The following EVA1C variants were observed in gnomAD, a reference collection of about 807,000 sequenced individuals.
EVA1C encodes the protein eva-1 homolog C.
EVA1C carries 25 observed loss-of-function variants against 45.4 expected under a neutral mutation model. The observed-to-expected ratio is 0.55, with a 90% CI of 0.40 to 0.77. EVA1C has a LOEUF of 0.77. Ranked by LOEUF, EVA1C falls within the 30% of genes least tolerant of loss-of-function variation. The pLI, the probability that EVA1C is intolerant of heterozygous loss-of-function variation, is 0.00. For synonymous variants in EVA1C, 190 were observed against 221.2 expected (o/e 0.86, Z 1.25); for missense variants, 479 against 554.8 (o/e 0.86, Z 1.37).
intron 7 of EVA1C, among the ~76,000 whole-genome samples, chr21:32,504,928 C>T (rs1023731812): frequency 1.3e-5 from 2 of 151,818 alleles, no homozygotes; most frequent in African/African-American, 2.4e-5. Context: ...CTAACAATCT[C>T]GGTGGAAGGT....
rs549814025 is a variant in EVA1C, at chr21:32,422,661, T to C, written c.160+9648T>C. Among the ~76,000 whole-genome samples, 140 of 152,212 alleles carry C rather than the reference T, an allele frequency of 9.2e-4. 1 individual carries two copies. Among genetic ancestry groups the C allele is most frequent in the African/African-American group, 3.2e-3 (134 of 41,542 alleles). On this transcript the variant is annotated intron_variant, in intron 1 of 7. Coordinates refer to ENST00000300255, the MANE Select transcript of EVA1C (RefSeq NM_058187.5). ...AGACAGCGAAATAATATTTTCCAGGTTCTGAGAAACAAACAAACAAAAAAC... is the reference window on the plus strand; with the variant it reads ...AGACAGCGAAATAATATTTTCCAGGCTCTGAGAAACAAACAAACAAAAAAC...
intron 1 of EVA1C, among the ~76,000 whole-genome samples, chr21:32,427,949 G>A (rs1320006341): frequency 1.3e-5 from 2 of 151,764 alleles, no homozygotes; most frequent in African/African-American, 4.8e-5. Context: ...CTTAAACAGT[G>A]GACAGTGACT....
chr21:32,415,150 G>A (rs1439670782), intron 1 of EVA1C, among the ~76,000 whole-genome samples: 1 of 152,066 alleles, frequency 6.6e-6, no homozygotes, highest in East Asian at 1.9e-4. Flanking sequence ...TGTGTTCCTG[G>A]GACAGTCGGT....
At chr21:32,467,957 C>T in intron 4 of EVA1C, 109 bp downstream of exon 4, 1 of 694,964 alleles carries the variant, frequency 1.4e-6, no homozygotes, top group Non-Finnish European at 2.0e-6. Context: ...AAAGTCAATA[C>T]TTAACACAAT....
intron 7 of EVA1C, among the ~76,000 whole-genome samples, chr21:32,511,044 C>T (rs118108490): frequency 9.5e-6 from 1 of 104,832 alleles, no homozygotes; most frequent in East Asian, 2.6e-4. Context: ...TCTCTCTCTC[C>T]CTCTCTCTCT....
intron 7 of EVA1C, among the ~76,000 whole-genome samples, chr21:32,507,485 C>T (rs187379912): frequency 2.3e-4 from 32 of 139,150 alleles, no homozygotes; most frequent in African/African-American, 6.4e-4. Flanking sequence ...TGTGTGTATG[C>T]GTCTGTGTGC....
chr21:32,457,434 A>G (rs2035825978), intron 2 of EVA1C, among the ~76,000 whole-genome samples, 163 bp from the exon 3 acceptor site: 1 of 152,138 alleles, frequency 6.6e-6, no homozygotes. Flanking sequence ...GGAGACAGGG[A>G]GCTAACCCAA....
intron 1 of EVA1C, among the ~76,000 whole-genome samples, chr21:32,417,259 A>G (rs1431582551): frequency 6.6e-6 from 1 of 152,222 alleles, no homozygotes. Context: ...TTACACAAGG[A>G]ACATTTATTT....
chr21:32,474,681 C>T lies in EVA1C; in HGVS notation c.634+6833C>T, dbSNP rs1012789511. On this transcript the variant is annotated intron_variant, in intron 4 of 7. Transcript: ENST00000300255. This position sits in a 1 kb window ranked among gnomAD's most constrained non-coding sequence, Gnocchi z 4.4. The stretch of plus-strand genomic sequence containing the variant: ...GTGCCAGGCATAGAGTGGGTGCTCA[C>T]GTGAATCTTGAGGCACAGGAATGAA... 3.9e-5 allele frequency among the ~76,000 whole-genome samples: 6 copies of T among 152,184 alleles called. No individual in the cohort carries two copies. Among genetic ancestry groups the T allele is most frequent in the African/African-American group, 9.7e-5 (4 of 41,436 alleles).
intron 7 of EVA1C, among the ~76,000 whole-genome samples, chr21:32,513,335 C>T (rs931206021): frequency 1.3e-5 from 2 of 148,588 alleles, no homozygotes; most frequent in African/African-American, 4.9e-5. Context: ...CGCCACCACA[C>T]CCGGCTAGTT....
Position 32,434,455 on chromosome 21 carries a change from G to A in EVA1C, c.161-18857G>A, listed in dbSNP as rs1166282984. 2.6e-5 allele frequency among the ~76,000 whole-genome samples: 4 copies of A among 151,804 alleles called. No homozygotes were observed. In the East Asian group the frequency reaches 7.7e-4, roughly 29 times the overall value. On this transcript the variant is annotated intron_variant, in intron 1 of 7. Transcript: ENST00000300255. ...AAATACAAAAAATTAGCCGGGCATGGTGGTGGGCACCTGTAGTCCCAGCTA... is the reference window on the plus strand; with the variant it reads ...AAATACAAAAAATTAGCCGGGCATGATGGTGGGCACCTGTAGTCCCAGCTA...
At position 32,501,509 on chromosome 21, in the gene EVA1C, C is replaced by G; in HGVS notation, c.859+14C>G. ...ATGGTGAATATGGTAATTTTTATGG[C>G]TTACTACCAGCATTTCTCTTTAAGT... is the stretch of plus-strand genomic sequence containing the variant. On this transcript the variant is annotated intron_variant, in intron 6 of 7. Coordinates refer to ENST00000300255, the MANE Select transcript of EVA1C (RefSeq NM_058187.5). 6.3e-7 allele frequency: 1 copy of G among 1,593,648 alleles called. No individual in the cohort carries two copies. The highest frequency in any genetic ancestry group is 8.5e-7 in the Non-Finnish European group (1 of 1,178,082).
At position 32,417,350 on chromosome 21, in the gene EVA1C, G is replaced by A. The variant is rs182221008; in HGVS notation, c.160+4337G>A. ...CTTGTGAGGCCTGTCTCCTTGGCTT[G>A]TAAATGGCATCTCCCTGCTGTATCT... On this transcript the variant is annotated intron_variant, in intron 1 of 7. Coordinates refer to ENST00000300255, the MANE Select transcript of EVA1C (RefSeq NM_058187.5). Among the ~76,000 whole-genome samples, 6 of 152,320 alleles carry A rather than the reference G, an allele frequency of 3.9e-5. No individual in the cohort carries two copies. The East Asian group carries it at 9.7e-4, about 25-fold the overall frequency.
intron 4 of EVA1C, among the ~76,000 whole-genome samples, chr21:32,484,944 AT>A (rs112060186): frequency 2.0e-4 from 29 of 146,910 alleles, no homozygotes; most frequent in Admixed American, 2.7e-4. Flanking sequence ...TTGTTTGCCG[AT>A]TTTTTTTTTT....
chr21:32,500,725 T>TTGTGTG (rs376522024), intron 5 of EVA1C, among the ~76,000 whole-genome samples: 12 of 151,772 alleles, frequency 7.9e-5, no homozygotes, highest in African/African-American at 2.9e-4. Context: ...ATGGATGGTT[T>TTGTGTG]TGTGTGTGTG....
At position 32,457,640 on chromosome 21, in the gene EVA1C, T is replaced by C; in HGVS notation, c.401T>C (p.Leu134Pro). The change falls in exon 3 of 8, where the codon CTG becomes CCG. Residue 134 changes from leucine (L) to proline (P), a missense_variant. This residue lies in a region of EVA1C where 366 missense variants were observed against 426.1 expected (regional missense o/e 0.86). Transcript: ENST00000300255. Reference sequence around the variant, plus strand: ...CAGAACCAGCGGGCCTGCCACCTCCTGGTCAATAGCCGTGTTTTTGGACCT... The same window carrying C: ...CAGAACCAGCGGGCCTGCCACCTCCCGGTCAATAGCCGTGTTTTTGGACCT... ...ECQNQRACHL[L>P]VNSRVFGPDL... The C allele has an allele frequency of 1.2e-6, 2 of 1,614,180 alleles. No homozygotes were observed. The highest frequency in any genetic ancestry group is 1.7e-6 in the Non-Finnish European group (2 of 1,180,010).
At chr21:32,514,718 C>G in intron 7 of EVA1C, 96 bp from the exon 8 acceptor site, 16 of 1,350,868 alleles carry the variant, frequency 1.2e-5, no homozygotes, top group Non-Finnish European at 1.6e-5. Flanking sequence ...TCTTCATTAG[C>G]CCCCTGCTTG....
intron 3 of EVA1C, among the ~76,000 whole-genome samples, chr21:32,464,262 C>T (rs1270809242): frequency 1.3e-5 from 2 of 152,128 alleles, no homozygotes; most frequent in Admixed American, 6.5e-5. Context: ...ATTTTTCTTC[C>T]TCGTGGAGGT....
At chr21:32,449,763 G>C (rs989918416) in intron 1 of EVA1C, among the ~76,000 whole-genome samples, 9 of 151,624 alleles carry the variant, frequency 5.9e-5, no homozygotes, top group African/African-American at 2.2e-4. Context: ...CTGGGATTAC[G>C]GGGGCGTGCC....
Sources: allele counts gnomAD v4.1 joint callset (sites outside exome capture counted in the v4.1 genomes callset), GRCh38; gene constraint gnomAD v4.1.1; regional missense constraint gnomAD v4.1.1; non-coding constraint Gnocchi (gnomAD v3.1); transcripts MANE v1.5; gene names NCBI Gene and HGNC (gene_info 2026-07-23, HGNC 2026-07-21).